Variants in SIPA1L3 observed in about 807,000 individuals in gnomAD.
SIPA1L3 encodes signal induced proliferation associated 1 like 3, also known as signal-induced proliferation-associated 1-like protein 3.
A neutral mutation model predicts 150.1 loss-of-function variants in SIPA1L3; 59 were observed. The observed-to-expected ratio is 0.39, with a 90% CI of 0.32 to 0.49. The LOEUF is 0.49. SIPA1L3 is among the 20% of genes least tolerant of loss of function. SIPA1L3 has a pLI of 0.86. For missense variants in SIPA1L3, 2,211 were observed against 2,489.5 expected, an observed-to-expected ratio of 0.89 and a Z score of 2.38; for synonymous variants, 1,070 against 1,077.6, an observed-to-expected ratio of 0.99 and a Z score of 0.14.
At chr19:37,982,756 A>C (rs1015114468) in intron 1 of SIPA1L3, among the ~76,000 whole-genome samples, 22 of 152,270 alleles carry the variant, frequency 1.4e-4, no homozygotes, top group African/African-American at 5.1e-4. Context: ...CTCCCAGTTA[A>C]TGGTGCTTAT....
At chr19:38,098,530 G>A (rs1334623094) in intron 4 of SIPA1L3, among the ~76,000 whole-genome samples, 10 of 151,868 alleles carry the variant, frequency 6.6e-5, no homozygotes. Flanking sequence ...GAGTAGCTGA[G>A]ATTACAGGCA....
chr19:37,989,060 T>A (rs1599872837), intron 1 of SIPA1L3, among the ~76,000 whole-genome samples: 3 of 152,290 alleles, frequency 2.0e-5, no homozygotes, highest in East Asian at 3.9e-4. Flanking sequence ...TTGTCTGCTT[T>A]CCTGTGGTTT....
At chr19:38,044,868 G>C (rs1160042252) in intron 2 of SIPA1L3, among the ~76,000 whole-genome samples, 1 of 152,050 alleles carries the variant, frequency 6.6e-6, no homozygotes, top group African/African-American at 2.4e-5. Context: ...CATTTACTTA[G>C]TGCCTGGTGC....
chr19:38,119,187 C>T lies in SIPA1L3; in HGVS notation c.2292-119C>T, dbSNP rs934473699. 9 of 974,090 alleles carry T rather than the reference C, an allele frequency of 9.2e-6. No individual in the cohort carries two copies. In the African/African-American group the frequency reaches 1.1e-4, roughly 12 times the overall value. 60.3% of individuals were successfully genotyped at this position (974,090 alleles called of 1,614,324 possible). A position where few individuals can be genotyped will look rare whatever the true frequency, so the allele number is the denominator to read the frequency against. On this transcript the variant is annotated intron_variant, in intron 8 of 21. Transcript: ENST00000222345. Reference sequence around the variant, plus strand: ...CTCCAGCCTGGGTGACAGAGTGAGACCTGTCTCGATAAAACAAACAAACAA... The same window carrying T: ...CTCCAGCCTGGGTGACAGAGTGAGATCTGTCTCGATAAAACAAACAAACAA...
intron 9 of SIPA1L3, among the ~76,000 whole-genome samples, chr19:38,128,927 G>A (rs1971243293): frequency 6.6e-6 from 1 of 152,084 alleles, no homozygotes; most frequent in Non-Finnish European, 1.5e-5. Context: ...TTCTTCAAGT[G>A]GTGGTGAGAA....
rs376018283 is a variant in SIPA1L3 at position 38,061,495 on chromosome 19, C to G, written c.-310-19761C>G. ...GGGGCCAGGCAGAAGCTGCCTGGGACACATCCTTAGTGGTGAGTTGACGTG... is the reference window on the plus strand; with the variant it reads ...GGGGCCAGGCAGAAGCTGCCTGGGAGACATCCTTAGTGGTGAGTTGACGTG... On this transcript the variant is annotated intron_variant, in intron 2 of 21. Transcript: ENST00000222345. Among the ~76,000 whole-genome samples, 273 of 152,234 alleles carry G rather than the reference C, an allele frequency of 1.8e-3. 1 individual carries two copies. The highest frequency in any genetic ancestry group is 5.9e-3 in the African/African-American group (244 of 41,534).
chr19:38,198,595 T>C, intron 19 of SIPA1L3, 63 bp downstream of exon 19: 1 of 1,346,358 alleles, frequency 7.4e-7, no homozygotes, highest in South Asian at 2.1e-5. Context: ...GAGGGATTCA[T>C]GGAGGGCCTC....
chr19:37,907,447 C>G (rs1444172664), intron 1 of SIPA1L3, 89 bp downstream of exon 1: 1 of 152,258 alleles, frequency 6.6e-6, no homozygotes, highest in African/African-American at 2.4e-5. Context: ...CGCGGGCGGA[C>G]GGCCGGGTGT....
At chr19:37,927,689 G>GTA (rs1043923145) in intron 1 of SIPA1L3, among the ~76,000 whole-genome samples, 4 of 139,354 alleles carry the variant, frequency 2.9e-5, no homozygotes, top group African/African-American at 1.0e-4. Context: ...GTGTGTGTGT[G>GTA]TGTATGCAAT....
chr19:38,111,202 A>T (rs59579475), intron 8 of SIPA1L3, among the ~76,000 whole-genome samples: 22,758 of 150,676 alleles, frequency 0.15, 1,777 homozygotes, highest in African/African-American at 0.19. Context: ...TTAAAAAAAA[A>T]TTTTTTTTTA....
chr19:38,193,549 A>G lies in SIPA1L3; in HGVS notation c.4609A>G (p.Lys1537Glu). The change falls in exon 18 of 22, where the codon AAG (lysine) becomes GAG (glutamate). Residue 1537 changes from lysine to glutamate, a missense_variant. Around this residue, in one of 5 missense-constraint regions of SIPA1L3, gnomAD observed 806 missense variants for 870.1 expected, o/e 0.93. Transcript: ENST00000222345. ...CCACGCCCCACAGCAGTCACCGCAG[A>G]AGGGCCTGCAGCGGACGCTGTCGGA... ...QERDTGQSPQ[K>E]GLQRTLSDES... is the part of the protein sequence containing the mutation. 6.7e-7 allele frequency: 1 copy of G among 1,500,742 alleles called. No individual in the cohort carries two copies. The highest frequency in any genetic ancestry group is 2.5e-5 in the East Asian group (1 of 40,370). The allele number at this position is 1,500,742 out of a possible 1,614,324, so 93.0% of individuals were successfully genotyped here.
intron 17 of SIPA1L3, among the ~76,000 whole-genome samples, chr19:38,192,617 G>A (rs1459739376): frequency 1.3e-5 from 2 of 152,142 alleles, no homozygotes; most frequent in Non-Finnish European, 2.9e-5. Flanking sequence ...GATAGAAACA[G>A]CCACATCCAC....
At chr19:38,065,890 C>T (rs544899058) in intron 2 of SIPA1L3, among the ~76,000 whole-genome samples, 11 of 111,510 alleles carry the variant, frequency 9.9e-5, no homozygotes, top group Middle Eastern at 5.2e-3. Context: ...CTCTGTTGCC[C>T]GGGTTTGATC....
At chr19:38,025,812 C>T (rs2145710439) in intron 1 of SIPA1L3, among the ~76,000 whole-genome samples, 1 of 152,306 alleles carries the variant, frequency 6.6e-6, no homozygotes, top group South Asian at 2.1e-4. Flanking sequence ...TGCCAAGCAT[C>T]TTGAAAACCA....
chr19:38,169,903 G>T lies in SIPA1L3; in HGVS notation c.4208+4997G>T, dbSNP rs148829367. On this transcript the variant is annotated intron_variant, in intron 15 of 21. Coordinates refer to ENST00000222345, the MANE Select transcript of SIPA1L3 (RefSeq NM_015073.3). Reference sequence around the variant, plus strand: ...GTCAGGGCTGGGATACAAGGCAGCTGCGAAGAGGGGTCAGGGTAAGATGAG... The same window carrying T: ...GTCAGGGCTGGGATACAAGGCAGCTTCGAAGAGGGGTCAGGGTAAGATGAG... Among the ~76,000 whole-genome samples the T allele has an allele frequency of 3.6e-3, 543 of 151,858 alleles. 3 individuals are homozygous for T. The highest frequency in any genetic ancestry group is 6.6e-3 in the Non-Finnish European group (451 of 67,880).
chr19:37,983,637 G>T (rs1367053923), intron 1 of SIPA1L3, among the ~76,000 whole-genome samples: 1 of 152,098 alleles, frequency 6.6e-6, no homozygotes, highest in Admixed American at 6.5e-5. Context: ...TGGCATGGTG[G>T]CTCACACCTG....
chr19:38,093,758 G>T (rs577318215), intron 4 of SIPA1L3, among the ~76,000 whole-genome samples: 1 of 152,160 alleles, frequency 6.6e-6, no homozygotes, highest in Non-Finnish European at 1.5e-5. Flanking sequence ...GTCTCGAGTG[G>T]ACCTGCATCT....
At chr19:38,110,831 T>C (rs1044793142) in intron 8 of SIPA1L3, among the ~76,000 whole-genome samples, 5 of 151,926 alleles carry the variant, frequency 3.3e-5, no homozygotes, top group Non-Finnish European at 4.4e-5. Flanking sequence ...AGCCCCAGAA[T>C]TGGGGCTCAC....
chr19:37,988,869 G>T (rs982876927), intron 1 of SIPA1L3, among the ~76,000 whole-genome samples: 1 of 152,012 alleles, frequency 6.6e-6, no homozygotes, highest in African/African-American at 2.4e-5. Flanking sequence ...CAGGATCTCT[G>T]CGCGGGCCGT....
Sources: gnomAD v4.1 joint callset for allele counts (sites outside exome capture counted in the v4.1 genomes callset) on GRCh38, gnomAD v4.1.1 for gene constraint, gnomAD v4.1.1 regional missense constraint, MANE v1.5 for transcripts, NCBI Gene and HGNC (gene_info 2026-07-23, HGNC 2026-07-21) for gene names.